RBFOX1: variants seen among roughly 807,000 people sequenced by gnomAD.
The protein encoded by RBFOX1 is RNA binding protein fox-1 homolog 1.
In RBFOX1, 8 loss-of-function variants were observed where a neutral mutation model predicts 57.7. That is an observed-to-expected ratio of 0.14 (90% CI 0.08 to 0.25). RBFOX1 has a LOEUF of 0.25. Ranked by LOEUF, RBFOX1 falls within the 10% of genes least tolerant of loss-of-function variation. The pLI is 1.00. For synonymous variants in RBFOX1, 326 were observed against 222.4 expected (o/e 1.47, Z -4.15); for missense variants, 611 against 548.5 (o/e 1.11, Z -1.14).
intron 1 of RBFOX1, among the ~76,000 whole-genome samples, chr16:5,317,568 C>T (rs1422914787): frequency 7.2e-5 from 11 of 152,024 alleles, no homozygotes; most frequent in Admixed American, 4.6e-4. Flanking sequence ...GAGATCACGC[C>T]GTTGCACTCC....
intron 4 of RBFOX1, among the ~76,000 whole-genome samples, chr16:7,054,474 C>T (rs2051352588): frequency 6.8e-6 from 1 of 147,834 alleles, no homozygotes; most frequent in Non-Finnish European, 1.5e-5. Flanking sequence ...ATCTCCTGAC[C>T]TCGTGATCCG....
chr16:7,414,115 A>G (rs1182913742), intron 4 of RBFOX1, among the ~76,000 whole-genome samples: 1 of 152,226 alleles, frequency 6.6e-6, no homozygotes, highest in African/African-American at 2.4e-5. Context: ...GAAAATCCCA[A>G]TTCAAGGGGT....
chr16:6,497,927 A>G (rs2095816671), intron 2 of RBFOX1, among the ~76,000 whole-genome samples: 1 of 152,058 alleles, frequency 6.6e-6, no homozygotes, highest in African/African-American at 2.4e-5. Context: ...TTTATAAATA[A>G]ATTAATCACT....
intron 4 of RBFOX1, among the ~76,000 whole-genome samples, chr16:7,085,344 A>T (rs923467584): frequency 6.6e-6 from 1 of 152,012 alleles, no homozygotes; most frequent in African/African-American, 2.4e-5. Context: ...ACCTTGCTGG[A>T]TCAGCCAGTA....
intron 4 of RBFOX1, among the ~76,000 whole-genome samples, chr16:5,878,464 G>T (rs1235590653): frequency 1.3e-5 from 2 of 152,206 alleles, no homozygotes; most frequent in Non-Finnish European, 2.9e-5. Context: ...GGCAAAGTTG[G>T]TATTTGATTC....
chr16:5,494,385 A>T (rs2042933294), intron 2 of RBFOX1, among the ~76,000 whole-genome samples: 1 of 152,232 alleles, frequency 6.6e-6, no homozygotes, highest in Non-Finnish European at 1.5e-5. Flanking sequence ...AAAGAACGAG[A>T]ACACTAAATA....
intron 1 of RBFOX1, among the ~76,000 whole-genome samples, chr16:5,371,981 G>T (rs2065869350): frequency 6.6e-6 from 1 of 152,180 alleles, no homozygotes. Context: ...GGATGAAGTG[G>T]CAAAGAGAGC....
chr16:5,745,206 CT>C (rs1435706086), intron 3 of RBFOX1, among the ~76,000 whole-genome samples: 3 of 151,932 alleles, frequency 2.0e-5, no homozygotes, highest in Non-Finnish European at 4.4e-5. Flanking sequence ...GTTTTTTGTC[CT>C]TTGCGATAGT....
At chr16:7,252,673 C>T (rs1006639187) in intron 4 of RBFOX1, among the ~76,000 whole-genome samples, 8 of 151,252 alleles carry the variant, frequency 5.3e-5, no homozygotes, top group African/African-American at 1.2e-4. Flanking sequence ...TTGTCCTAGA[C>T]GTAACCTTTT....
intron 3 of RBFOX1, among the ~76,000 whole-genome samples, chr16:6,800,399 C>G (rs77939582): frequency 0.021 from 3,206 of 152,218 alleles, 107 homozygotes; most frequent in African/African-American, 0.073. Context: ...TAGGATAGTG[C>G]TTCTCACTCT....
At chr16:6,121,874 C>T (rs887306464) in intron 1 of RBFOX1, among the ~76,000 whole-genome samples, 1 of 152,158 alleles carries the variant, frequency 6.6e-6, no homozygotes, top group Non-Finnish European at 1.5e-5. Context: ...ATGCCTAAGA[C>T]AGAGTTAGTA....
chr16:5,722,677 G>T (rs1287202415), intron 3 of RBFOX1, among the ~76,000 whole-genome samples: 2 of 152,192 alleles, frequency 1.3e-5, no homozygotes, highest in African/African-American at 4.8e-5. Context: ...CACCTTGGTT[G>T]AGGACTTTCT....
intron 3 of RBFOX1, chr16:5,610,390 T>C (rs1213839181): frequency 2.0e-5 from 3 of 152,220 alleles, no homozygotes; most frequent in Non-Finnish European, 4.4e-5. Flanking sequence ...AAGAGCAAGT[T>C]GATGCCTCGT....
At chr16:7,693,466 A>G (rs2077854366) in intron 14 of RBFOX1, 1 of 914,670 alleles carries the variant, frequency 1.1e-6, no homozygotes, top group Non-Finnish European at 1.7e-6. Flanking sequence ...GTCACTCTAG[A>G]AAGTTTAGTT....
At chr16:7,367,689 C>T (rs1298145896) in intron 4 of RBFOX1, among the ~76,000 whole-genome samples, 2 of 152,094 alleles carry the variant, frequency 1.3e-5, no homozygotes, top group Non-Finnish European at 2.9e-5. Flanking sequence ...TGTCCCATCC[C>T]ATCTGTTCTA....
chr16:6,105,920 GT>G (rs1411985604), intron 1 of RBFOX1, among the ~76,000 whole-genome samples: 1 of 151,738 alleles, frequency 6.6e-6, no homozygotes, highest in Non-Finnish European at 1.5e-5. Context: ...AAACTTAATG[GT>G]CATAGTAACC....
chr16:6,798,470 C>A (rs2084605781), intron 3 of RBFOX1, among the ~76,000 whole-genome samples: 1 of 152,104 alleles, frequency 6.6e-6, no homozygotes, highest in Non-Finnish European at 1.5e-5. Context: ...TTCAGAATGG[C>A]AGGGAGCTGA....
At position 7,485,987 on chromosome 16, in the gene RBFOX1, C is replaced by T. The variant is rs145075586; in HGVS notation, c.28-32160C>T. Among the ~76,000 whole-genome samples the T allele has an allele frequency of 1.9e-3, 289 of 152,192 alleles. 1 individual carries two copies. The highest frequency in any genetic ancestry group is 2.3e-3 in the Non-Finnish European group (157 of 68,008). ...GAGTTGTGTCAACAGAAATGTATGC[C>T]CCATAGAGCTGAAAGTGTTTCCTGT... On this transcript the variant is annotated intron_variant, in intron 4 of 15. Transcript: ENST00000550418.
intron 3 of RBFOX1, among the ~76,000 whole-genome samples, chr16:5,754,356 G>C (rs541768382): frequency 2.0e-5 from 3 of 152,300 alleles, no homozygotes; most frequent in Admixed American, 2.0e-4. Flanking sequence ...CCTATTGTTA[G>C]GAAGGAAGGG....
Sources: gnomAD v4.1 joint callset for allele counts (sites outside exome capture counted in the v4.1 genomes callset) on GRCh38, gnomAD v4.1.1 for gene constraint, MANE v1.5 for transcripts, NCBI Gene and HGNC (gene_info 2026-07-23, HGNC 2026-07-21) for gene names.